CCDC73: variants seen among roughly 807,000 people sequenced by gnomAD.
CCDC73 encodes coiled-coil domain containing 73.
Under a neutral mutation model 116.5 loss-of-function variants are expected in CCDC73, and 95 were observed. The ratio of observed to expected loss-of-function variants is 0.82; its 90% CI spans 0.69 to 0.97. The LOEUF (loss-of-function observed/expected upper bound fraction) is 0.97, where lower values mean the gene tolerates loss of function less well. CCDC73 is among the 50% of genes least tolerant of loss of function. The pLI is 0.00. For missense variants in CCDC73, 1,066 were observed against 1,206.8 expected (o/e 0.88, Z 1.73); for synonymous variants, 398 against 401.3 (o/e 0.99, Z 0.10).
chr11:32,750,661 T>A (rs1053954771), intron 2 of CCDC73, among the ~76,000 whole-genome samples: 11 of 152,068 alleles, frequency 7.2e-5, no homozygotes, highest in Non-Finnish European at 1.2e-4. Flanking sequence ...GTACCACTGA[T>A]GTTCACTTAA....
chr11:32,807,300 G>A, the CCDC73 span, among the ~76,000 whole-genome samples: 1 of 152,076 alleles, frequency 6.6e-6, no homozygotes, highest in African/African-American at 2.4e-5. Context: ...AATTGATCAC[G>A]ACCCTCACTC....
chr11:32,725,844 G>C (rs560005384), intron 2 of CCDC73, among the ~76,000 whole-genome samples: 1 of 152,280 alleles, frequency 6.6e-6, no homozygotes, highest in South Asian at 2.1e-4. Context: ...GTTCACTAGA[G>C]GCTGAGAAAC....
intron 5 of CCDC73, among the ~76,000 whole-genome samples, chr11:32,700,511 A>C (rs1849802457): frequency 6.6e-6 from 1 of 152,240 alleles, no homozygotes; most frequent in Non-Finnish European, 1.5e-5. Flanking sequence ...TCTGGGTTCT[A>C]GTCCCAATTT....
rs563266891 is a variant in CCDC73, at chr11:32,695,325, C to T, written c.390+3926G>A. Among the ~76,000 whole-genome samples, 37 of 151,166 alleles carry T rather than the reference C, an allele frequency of 2.4e-4. No individual in the cohort carries two copies. In the East Asian group the frequency reaches 3.3e-3, roughly 14 times the overall value. ...TAGAAGTTGCAATGAGCCGAGATCG[C>T]GCCACTGCACTCCAGCCTGGGCAAC... On this transcript the variant is annotated intron_variant, in intron 6 of 17. Coordinates refer to ENST00000335185, the MANE Select transcript of CCDC73 (RefSeq NM_001008391.4).
chr11:32,665,226 T>C (rs1204131022), intron 9 of CCDC73, among the ~76,000 whole-genome samples: 2 of 152,136 alleles, frequency 1.3e-5, no homozygotes, highest in Non-Finnish European at 2.9e-5. Context: ...TAACTTTCTG[T>C]TTTGTTGATC....
the CCDC73 span, among the ~76,000 whole-genome samples, chr11:32,814,312 C>G: frequency 1.3e-5 from 2 of 152,076 alleles, no homozygotes; most frequent in Non-Finnish European, 2.9e-5. Context: ...AATTGTTGCC[C>G]GATGTTACCA....
intron 2 of CCDC73, among the ~76,000 whole-genome samples, chr11:32,735,796 T>G (rs1850124066): frequency 1.3e-5 from 2 of 152,186 alleles, no homozygotes; most frequent in Non-Finnish European, 2.9e-5. Flanking sequence ...AGCATGGTAC[T>G]GGTACCAAAA....
At chr11:32,745,900 T>C (rs1384320454) in intron 2 of CCDC73, among the ~76,000 whole-genome samples, 2 of 152,214 alleles carry the variant, frequency 1.3e-5, no homozygotes, top group Admixed American at 6.5e-5. Context: ...CTGTGTCTTT[T>C]AGTTTGGGCA....
At chr11:32,773,363 T>C (rs944557629) in intron 1 of CCDC73, among the ~76,000 whole-genome samples, 1 of 152,182 alleles carries the variant, frequency 6.6e-6, no homozygotes, top group African/African-American at 2.4e-5. Flanking sequence ...ATTGTGGTGA[T>C]GGATAAACAA....
chr11:32,829,713 TC>T, the CCDC73 span: 2 of 949,376 alleles, frequency 2.1e-6, no homozygotes, highest in Non-Finnish European at 1.3e-6. Context: ...CAGACACAAA[TC>T]GAAAAGCAGC....
In CCDC73 at chr11:32,629,858, A is replaced by T. The variant is rs570516746; in HGVS notation, c.1185+5838T>A. On this transcript the variant is annotated intron_variant, in intron 14 of 17. Coordinates refer to ENST00000335185, the MANE Select transcript of CCDC73 (RefSeq NM_001008391.4). ...ATATCCAGTGAAAATATTCTTTAAA[A>T]TTAAGGAGAAATAAACCACCTTTTC... 7.9e-4 allele frequency among the ~76,000 whole-genome samples: 119 copies of T among 150,890 alleles called. 1 individual carries two copies. The highest frequency in any genetic ancestry group is 2.8e-3 in the African/African-American group (116 of 41,004).
intron 3 of CCDC73, among the ~76,000 whole-genome samples, chr11:32,710,777 G>A (rs1259915099): frequency 6.6e-6 from 1 of 152,196 alleles, no homozygotes; most frequent in Non-Finnish European, 1.5e-5. Context: ...AGCACTGTCA[G>A]TGGAGTATTA....
chr11:32,720,333 G>A (rs1156342907), intron 2 of CCDC73, among the ~76,000 whole-genome samples: 2 of 152,030 alleles, frequency 1.3e-5, no homozygotes, highest in Non-Finnish European at 2.9e-5. Context: ...ATCCATTCTT[G>A]ATAAAAACTC....
intron 1 of CCDC73, among the ~76,000 whole-genome samples, chr11:32,764,842 C>A (rs2133381309): frequency 6.6e-6 from 1 of 152,222 alleles, no homozygotes; most frequent in East Asian, 1.9e-4. Flanking sequence ...GGTCAAGACC[C>A]ATCAGTGTGC....
At chr11:32,640,874 G>A (rs962911978) in intron 13 of CCDC73, among the ~76,000 whole-genome samples, 5 of 151,868 alleles carry the variant, frequency 3.3e-5, no homozygotes, top group Non-Finnish European at 7.4e-5. Context: ...AAAATTAGCC[G>A]GGCGTGGTGG....
At chr11:32,707,608 G>A (rs1436299101) in intron 3 of CCDC73, among the ~76,000 whole-genome samples, 1 of 152,102 alleles carries the variant, frequency 6.6e-6, no homozygotes, top group Non-Finnish European at 1.5e-5. Flanking sequence ...TAAAGATGTG[G>A]AGAGTTGTAA....
At chr11:32,638,198 A>C (rs953154213) in intron 13 of CCDC73, among the ~76,000 whole-genome samples, 1 of 152,244 alleles carries the variant, frequency 6.6e-6, no homozygotes. Context: ...TTAGATTATT[A>C]CAACATTCTT....
intron 14 of CCDC73, among the ~76,000 whole-genome samples, chr11:32,630,554 GC>G (rs745700194): frequency 2.9e-4 from 44 of 152,222 alleles, no homozygotes; most frequent in Admixed American, 9.8e-4. Context: ...TGTTGGTCAG[GC>G]TGGTCTCGAA....
Position 32,778,322 on chromosome 11 carries a change from C to T in CCDC73, c.-16+16291G>A, listed in dbSNP as rs530343496. Among the ~76,000 whole-genome samples the T allele has an allele frequency of 2.0e-5, 3 of 152,292 alleles. No homozygotes were observed. In the East Asian group the frequency reaches 5.8e-4, roughly 29 times the overall value. On this transcript the variant is annotated intron_variant, in intron 1 of 17. Transcript: ENST00000335185. ...ACTGAAACACATTAACATGAGCATG[C>T]AAATGCTCATTTGGTCACTGGATGT...
Sources: allele counts gnomAD v4.1 joint callset (sites outside exome capture counted in the v4.1 genomes callset), GRCh38; gene constraint gnomAD v4.1.1; transcripts MANE v1.5; gene names NCBI Gene and HGNC (gene_info 2026-07-23, HGNC 2026-07-21).